The following SIPA1L1 variants were observed in gnomAD, a reference collection of about 807,000 sequenced individuals.
SIPA1L1 encodes the protein signal-induced proliferation-associated 1-like protein 1.
Under a neutral mutation model 162.7 loss-of-function variants are expected in SIPA1L1, and 26 were observed. That is an observed-to-expected ratio of 0.16 (90% CI 0.12 to 0.22). SIPA1L1 has a LOEUF of 0.22. SIPA1L1 is among the 10% of genes least tolerant of loss of function. The pLI is 1.00. For synonymous variants in SIPA1L1, 829 were observed against 837.4 expected (o/e 0.99, Z 0.17); for missense variants, 1,874 against 2,241.0 (o/e 0.84, Z 3.31).
At chr14:71,525,361 T>A (rs1046293247) in intron 3 of SIPA1L1, among the ~76,000 whole-genome samples, 23 of 152,112 alleles carry the variant, frequency 1.5e-4, no homozygotes, top group Admixed American at 1.1e-3. Context: ...TTTTGTGTGT[T>A]TTTAATAGAG....
At chr14:71,412,577 G>A (rs2042483975) in intron 2 of SIPA1L1, among the ~76,000 whole-genome samples, 1 of 152,156 alleles carries the variant, frequency 6.6e-6, no homozygotes, top group Non-Finnish European at 1.5e-5. Context: ...CTTGTTTGAA[G>A]TGCTTTTTTA....
intron 4 of SIPA1L1, chr14:71,576,464 G>A (rs537395208): frequency 2.4e-4 from 36 of 152,378 alleles, no homozygotes; most frequent in African/African-American, 6.5e-4. Flanking sequence ...GGTGCAACAG[G>A]CAGGGTAAGA....
At chr14:71,674,853 C>T (rs1040377437) in intron 12 of SIPA1L1, among the ~76,000 whole-genome samples, 6 of 151,702 alleles carry the variant, frequency 4.0e-5, no homozygotes, top group East Asian at 1.9e-4. Flanking sequence ...CGTGAGCCAC[C>T]GCGCCCGGCC....
intron 4 of SIPA1L1, among the ~76,000 whole-genome samples, chr14:71,539,421 C>T (rs1386512880): frequency 6.6e-6 from 1 of 152,116 alleles, no homozygotes; most frequent in African/African-American, 2.4e-5. Flanking sequence ...TGGAACTTTT[C>T]CAATGGAAAA....
At chr14:71,376,588 G>C (rs867248598) in intron 2 of SIPA1L1, among the ~76,000 whole-genome samples, 1 of 149,594 alleles carries the variant, frequency 6.7e-6, no homozygotes, top group African/African-American at 2.5e-5. Flanking sequence ...AGTATTTATT[G>C]ATCATTCTTG....
At chr14:71,524,385 C>G (rs1278998833) in intron 3 of SIPA1L1, among the ~76,000 whole-genome samples, 1 of 152,108 alleles carries the variant, frequency 6.6e-6, no homozygotes, top group Admixed American at 6.6e-5. Context: ...CTTTAGGTTC[C>G]CCTTATATAC....
At chr14:71,631,073 A>G (rs1168655347) in intron 7 of SIPA1L1, among the ~76,000 whole-genome samples, 1 of 151,806 alleles carries the variant, frequency 6.6e-6, no homozygotes, top group African/African-American at 2.4e-5. Flanking sequence ...CCTTGTGTCC[A>G]TGTGTTCTCA....
At chr14:71,704,007 A>T (rs1455587006) in intron 15 of SIPA1L1, among the ~76,000 whole-genome samples, 3 of 152,142 alleles carry the variant, frequency 2.0e-5, no homozygotes, top group Non-Finnish European at 4.4e-5. Context: ...TACTTTTTTT[A>T]AAATAAGATA....
At chr14:71,685,739 G>T in intron 13 of SIPA1L1, 108 bp downstream of exon 13, 1 of 1,358,764 alleles carries the variant, frequency 7.4e-7, no homozygotes, top group Non-Finnish European at 1.0e-6. Context: ...TAGAAACAAA[G>T]AATTAAACTG....
At chr14:71,554,442 T>A (rs901827879) in intron 4 of SIPA1L1, among the ~76,000 whole-genome samples, 1 of 152,206 alleles carries the variant, frequency 6.6e-6, no homozygotes, top group Non-Finnish European at 1.5e-5. Context: ...TTTTCTGATG[T>A]AGGCTGGTGA....
intron 2 of SIPA1L1, among the ~76,000 whole-genome samples, chr14:71,367,543 C>A (rs1052805910): frequency 1.3e-5 from 2 of 150,434 alleles, no homozygotes; most frequent in African/African-American, 4.9e-5. Flanking sequence ...CTCCTGACCT[C>A]GTGATCTGCC....
At position 71,739,691 on chromosome 14, in the gene SIPA1L1, T is replaced by G. The variant is rs896527624; in HGVS notation, c.*530T>G. 1 of 152,420 alleles carries G rather than the reference T, an allele frequency of 6.6e-6. No homozygotes were observed. The highest frequency in any genetic ancestry group is 1.5e-5 in the Non-Finnish European group (1 of 68,202). The allele number at this position is 152,420 out of a possible 1,614,324, so 9.4% of individuals were successfully genotyped here. A position where few individuals can be genotyped will look rare whatever the true frequency, so the allele number is the denominator to read the frequency against. ...GCTTTGAGAAAATGCCTACCTCCCTTGAATGACTCGTGCATGAGCTAGTGC... is the reference window on the plus strand; with the variant it reads ...GCTTTGAGAAAATGCCTACCTCCCTGGAATGACTCGTGCATGAGCTAGTGC... On this transcript the variant is annotated 3_prime_UTR_variant, in exon 24 of 24. Coordinates refer to ENST00000381232, the MANE Select transcript of SIPA1L1 (RefSeq NM_001386936.1).
At chr14:71,701,034 A>T (rs910938339) in intron 14 of SIPA1L1, among the ~76,000 whole-genome samples, 16 of 143,150 alleles carry the variant, frequency 1.1e-4, no homozygotes, top group African/African-American at 3.7e-4. Context: ...AAAAAAAAAA[A>T]GTTTTATTAA....
At chr14:71,698,356 C>T (rs2081816914) in intron 13 of SIPA1L1, among the ~76,000 whole-genome samples, 1 of 152,170 alleles carries the variant, frequency 6.6e-6, no homozygotes, top group Admixed American at 6.5e-5. Context: ...ATGAGGTGCC[C>T]ATGTGGAGCA....
chr14:71,544,470 A>G (rs1038614288), intron 4 of SIPA1L1, among the ~76,000 whole-genome samples: 7 of 152,124 alleles, frequency 4.6e-5, no homozygotes, highest in Admixed American at 3.3e-4. Flanking sequence ...AAAAAGTTTA[A>G]TAAGTCAAAT....
chr14:71,722,715 A>G (rs1308268386), intron 17 of SIPA1L1, among the ~76,000 whole-genome samples: 3 of 152,154 alleles, frequency 2.0e-5, no homozygotes, highest in African/African-American at 7.2e-5. Flanking sequence ...TGGACTCTTT[A>G]GTCATGCAGA....
chr14:71,395,745 C>CT (rs1178227161), intron 2 of SIPA1L1, among the ~76,000 whole-genome samples: 3 of 152,184 alleles, frequency 2.0e-5, no homozygotes, highest in Non-Finnish European at 4.4e-5. Context: ...AAGACCAGGA[C>CT]TGTGTCAGCA....
intron 2 of SIPA1L1, among the ~76,000 whole-genome samples, chr14:71,504,492 G>A (rs904722790): frequency 3.3e-5 from 5 of 152,082 alleles, no homozygotes; most frequent in Admixed American, 1.3e-4. Flanking sequence ...ATAGTAACAC[G>A]TGAGGGAAGT....
At chr14:71,335,573 G>A (rs903557408) in intron 2 of SIPA1L1, among the ~76,000 whole-genome samples, 3 of 152,134 alleles carry the variant, frequency 2.0e-5, no homozygotes, top group Admixed American at 2.0e-4. Flanking sequence ...CATTCTAAGT[G>A]TTCAGTGGAA....
Sources: gnomAD v4.1 joint callset for allele counts (sites outside exome capture counted in the v4.1 genomes callset) on GRCh38, gnomAD v4.1.1 for gene constraint, MANE v1.5 for transcripts, NCBI Gene and HGNC (gene_info 2026-07-23, HGNC 2026-07-21) for gene names.